The following TMC1 variants were observed in gnomAD, a reference collection of about 807,000 sequenced individuals.
TMC1 encodes the protein transmembrane channel-like protein 1.
In TMC1, 84 loss-of-function variants were observed where a neutral mutation model predicts 105.8. The observed-to-expected ratio is 0.79, with a 90% CI of 0.67 to 0.95. The LOEUF is 0.95. Among genes scored for constraint, TMC1 ranks in the 40% least tolerant of loss-of-function variants. The probability of loss-of-function intolerance (pLI) is 0.00; values close to 1 mark genes in which losing one functional copy is unlikely to be tolerated. For synonymous variants in TMC1, 315 were observed against 311.5 expected (o/e 1.01, Z -0.12); for missense variants, 817 against 914.1 (o/e 0.89, Z 1.37).
chr9:72,816,971 A>G (rs1828797636), intron 19 of TMC1: 1 of 152,370 alleles, frequency 6.6e-6, no homozygotes, highest in Non-Finnish European at 1.5e-5. Context: ...AGGCTACTTT[A>G]TCCTGGGGAC....
chr9:72,809,723 A>C (rs556426542), intron 18 of TMC1, among the ~76,000 whole-genome samples: 1 of 152,344 alleles, frequency 6.6e-6, no homozygotes, highest in South Asian at 2.1e-4. Context: ...GAGCTCTTAC[A>C]TAAAAACACA....
intron 17 of TMC1, among the ~76,000 whole-genome samples, chr9:72,797,546 T>A (rs2118213833): frequency 6.6e-6 from 1 of 151,994 alleles, no homozygotes. Flanking sequence ...ACAGAATAGA[T>A]AACTTAGAAA....
chr9:72,683,731 TTTTATATATATATATATA>T (rs1254565083), intron 5 of TMC1, among the ~76,000 whole-genome samples: 757 of 49,608 alleles, frequency 0.015, 39 homozygotes, highest in African/African-American at 0.028. Context: ...GAGTTACACA[TTTTATATATATATATATA>T]TATATATATA....
chr9:72,697,557 A>G (rs1240369243), intron 7 of TMC1, among the ~76,000 whole-genome samples: 6 of 152,174 alleles, frequency 3.9e-5, no homozygotes, highest in Admixed American at 3.3e-4. Context: ...AGCTGAACTT[A>G]TAAACTATTT....
At chr9:72,570,729 C>T (rs1824265627) in intron 1 of TMC1, among the ~76,000 whole-genome samples, 1 of 121,454 alleles carries the variant, frequency 8.2e-6, no homozygotes, top group African/African-American at 3.1e-5. Flanking sequence ...TGCTCTGTCA[C>T]CCAGGCTGGA....
At chr9:72,771,514 A>C (rs1827925678) in intron 12 of TMC1, among the ~76,000 whole-genome samples, 1 of 152,218 alleles carries the variant, frequency 6.6e-6, no homozygotes, top group Admixed American at 6.5e-5. Flanking sequence ...TGGGTTTTCT[A>C]AGATTCAGGG....
chr9:72,669,325 C>T (rs1426759839), intron 5 of TMC1, among the ~76,000 whole-genome samples: 1 of 151,954 alleles, frequency 6.6e-6, no homozygotes, highest in Non-Finnish European at 1.5e-5. Context: ...AAAAAATGTA[C>T]TATAATAATT....
rs369522850 is a variant in TMC1, at chr9:72,664,944, C to T, written c.16+16280C>T. Among the ~76,000 whole-genome samples the T allele has an allele frequency of 1.1e-4, 16 of 152,254 alleles. No homozygotes were observed. In the Middle Eastern group the frequency reaches 0.01, roughly 97 times the overall value. On this transcript the variant is annotated intron_variant, in intron 5 of 23. Transcript: ENST00000297784. ...ACAGGCACACACCCCTAGATGCCAC[C>T]GTGGGATGGGAACCCAAAAGTGCTC... is the stretch of plus-strand genomic sequence containing the variant.
chr9:72,721,737 T>A (rs943828296), intron 8 of TMC1, among the ~76,000 whole-genome samples: 3 of 152,202 alleles, frequency 2.0e-5, no homozygotes, highest in Admixed American at 6.5e-5. Context: ...TTATTATCTA[T>A]GCTGAACATT....
At chr9:72,574,017 C>T (rs1373298953) in intron 1 of TMC1, among the ~76,000 whole-genome samples, 1 of 152,170 alleles carries the variant, frequency 6.6e-6, no homozygotes, top group Non-Finnish European at 1.5e-5. Context: ...AATTTAGCTC[C>T]CACTTATATG....
chr9:72,830,604 T>C (rs775543322), intron 22 of TMC1, 27 bp from the exon 23 acceptor site: 2 of 1,612,370 alleles, frequency 1.2e-6, no homozygotes, highest in Non-Finnish European at 8.5e-7. Context: ...GAAATCTACT[T>C]TTTTCCCCTT....
chr9:72,664,622 T>A (rs535066941), intron 5 of TMC1, among the ~76,000 whole-genome samples: 16 of 151,784 alleles, frequency 1.1e-4, no homozygotes, highest in African/African-American at 3.6e-4. Flanking sequence ...TCAAGAGGAG[T>A]TTGGATGGGG....
chr9:72,631,781 T>C (rs1588000881), intron 4 of TMC1, among the ~76,000 whole-genome samples: 1 of 152,038 alleles, frequency 6.6e-6, no homozygotes, highest in East Asian at 1.9e-4. Context: ...TGTCCAGGAA[T>C]AAACAATCAC....
At chr9:72,835,744 T>C (rs187587957) in intron 23 of TMC1, among the ~76,000 whole-genome samples, 307 of 152,212 alleles carry the variant, frequency 2.0e-3, no homozygotes, top group African/African-American at 6.8e-3. Context: ...TGTGAAGCCT[T>C]TGCAAACTAA....
At position 72,831,007 on chromosome 9, in the gene TMC1, A is replaced by C. The variant is rs117282744; in HGVS notation, c.2260+325A>C. On this transcript the variant is annotated intron_variant, in intron 23 of 23. Coordinates refer to ENST00000297784, the MANE Select transcript of TMC1 (RefSeq NM_138691.3). ...AGTCGTCTACAAACAGCAGATACAA[A>C]TGCAGATGCTCTCCTGCCCATGTTG... is the stretch of plus-strand genomic sequence containing the variant. Among the ~76,000 whole-genome samples, 55 of 152,312 alleles carry C rather than the reference A, an allele frequency of 3.6e-4. 1 individual carries two copies. In the East Asian group the frequency reaches 0.01, roughly 29 times the overall value.
intron 1 of TMC1, among the ~76,000 whole-genome samples, chr9:72,574,024 T>C (rs1377678890): frequency 1.3e-5 from 2 of 152,214 alleles, no homozygotes; most frequent in South Asian, 2.1e-4. Context: ...CTCCCACTTA[T>C]ATGTGAGAAC....
intron 12 of TMC1, among the ~76,000 whole-genome samples, chr9:72,759,557 A>G (rs1827722997): frequency 6.6e-6 from 1 of 152,090 alleles, no homozygotes; most frequent in Non-Finnish European, 1.5e-5. Context: ...ATTTTCCTCC[A>G]AGTTCCGTGG....
intron 4 of TMC1, among the ~76,000 whole-genome samples, chr9:72,636,972 A>G (rs1320771841): frequency 2.0e-5 from 3 of 152,010 alleles, no homozygotes; most frequent in Non-Finnish European, 4.4e-5. Flanking sequence ...AAAAAGAATT[A>G]TTCAGTCCAA....
intron 3 of TMC1, among the ~76,000 whole-genome samples, chr9:72,622,578 T>A (rs1825273253): frequency 6.6e-6 from 1 of 152,170 alleles, no homozygotes. Context: ...ACATTAAATT[T>A]TCCCTGTTCA....
Sources: allele counts gnomAD v4.1 joint callset (sites outside exome capture counted in the v4.1 genomes callset), GRCh38; gene constraint gnomAD v4.1.1; transcripts MANE v1.5; gene names NCBI Gene and HGNC (gene_info 2026-07-23, HGNC 2026-07-21).